CRYBG3: variants seen among roughly 807,000 people sequenced by gnomAD.
CRYBG3 encodes the protein very large A-kinase anchor protein.
Under a neutral mutation model 244.2 loss-of-function variants are expected in CRYBG3, and 127 were observed. That is an observed-to-expected ratio of 0.52 (90% CI 0.45 to 0.60). The LOEUF is 0.60. Ranked by LOEUF, CRYBG3 falls within the 20% of genes least tolerant of loss-of-function variation. CRYBG3 has a pLI of 0.00. For synonymous variants in CRYBG3, 1,132 were observed against 1,195.8 expected, an observed-to-expected ratio of 0.95 and a Z score of 1.10; for missense variants, 3,325 against 3,442.5, an observed-to-expected ratio of 0.97 and a Z score of 0.85.
chr3:97,894,420 T>TC, intron 11 of CRYBG3, among the ~76,000 whole-genome samples: 1 of 152,276 alleles, frequency 6.6e-6, no homozygotes, highest in African/African-American at 2.4e-5. Context: ...ATTATTTTTT[T>TC]CACAACTTCT....
chr3:97,876,646 C>G lies in CRYBG3; in HGVS notation c.5452C>G (p.Pro1818Ala), dbSNP rs1041917595. 2.4e-6 allele frequency: 3 copies of G among 1,235,584 alleles called. No homozygotes were observed. The highest frequency in any genetic ancestry group is 8.3e-5 in the Admixed American group (2 of 24,222). The allele number at this position is 1,235,584 out of a possible 1,614,324, so 76.5% of individuals were successfully genotyped here. The change falls in exon 4 of 22, where the codon CCC becomes GCC. Residue 1818 changes from proline (P) to alanine (A), a missense_variant. By Grantham distance (27) the Pro-to-Ala change is conservative. Transcript: ENST00000389622. Reference sequence around the variant, plus strand: ...GGAAGCACACGAGACAGCACCTGCCCCCTTAGAAATGGAAAAAGCATGCAA... The same window carrying G: ...GGAAGCACACGAGACAGCACCTGCCGCCTTAGAAATGGAAAAAGCATGCAA... ...VKEAHETAPA[P>A]LEMEKACKRD...
At chr3:97,849,326 G>T (rs2038950668) in intron 2 of CRYBG3, among the ~76,000 whole-genome samples, 2 of 152,036 alleles carry the variant, frequency 1.3e-5, no homozygotes, top group Admixed American at 1.3e-4. Context: ...AGTATAGAAG[G>T]CACATATTTG....
At chr3:97,942,718 C>A (rs982462451) in intron 21 of CRYBG3, 8 of 290,516 alleles carry the variant, frequency 2.8e-5, no homozygotes, top group Non-Finnish European at 4.4e-5. Flanking sequence ...GCACCATAAA[C>A]CATGAAATGA....
intron 17 of CRYBG3, among the ~76,000 whole-genome samples, chr3:97,931,991 A>G (rs1008491734): frequency 2.0e-5 from 3 of 152,044 alleles, no homozygotes; most frequent in African/African-American, 7.2e-5. Context: ...TGTAATAATT[A>G]CCAACTTAAA....
Position 97,942,382 on chromosome 3 carries a change from A to G in CRYBG3, c.8763A>G (p.Arg2921=). 1.2e-6 allele frequency: 2 copies of G among 1,611,876 alleles called. No homozygotes were observed. Among genetic ancestry groups the G allele is most frequent in the Non-Finnish European group, 1.7e-6 (2 of 1,178,518 alleles). The change falls in exon 21 of 22, where the codon AGA becomes AGG. Residue 2921 remains arginine, a synonymous_variant. Coordinates refer to ENST00000389622, the MANE Select transcript of CRYBG3 (RefSeq NM_153605.4). The part of the protein sequence containing the change: ...TEHGQFRQKW[R]LNKNGTISSY... ...ATGGGCAATTCAGGCAGAAGTGGAG[A>G]CTGAATAAAAATGGAACTATCAGCT...
chr3:97,832,876 AAAAC>A (rs1285136854), intron 1 of CRYBG3, among the ~76,000 whole-genome samples: 1 of 151,858 alleles, frequency 6.6e-6, no homozygotes, highest in Non-Finnish European at 1.5e-5. Flanking sequence ...TTACAAGAAA[AAAAC>A]AACCCCATCA....
At chr3:97,910,514 G>C (rs1012181590) in intron 15 of CRYBG3, among the ~76,000 whole-genome samples, 1 of 152,206 alleles carries the variant, frequency 6.6e-6, no homozygotes, top group African/African-American at 2.4e-5. Flanking sequence ...CGATTTTCCA[G>C]GTGCTGTCCG....
chr3:97,922,396 C>T (rs1031683642), intron 17 of CRYBG3, among the ~76,000 whole-genome samples: 1 of 152,174 alleles, frequency 6.6e-6, no homozygotes, highest in African/African-American at 2.4e-5. Flanking sequence ...TCAGAGTGAG[C>T]AGGCAACCTA....
In CRYBG3 at chr3:97,886,747, C is replaced by T. The variant is rs761402130; in HGVS notation, c.7269C>T (p.Ser2423=). ...AACTGAATATCTCCAAATCTGTGTC[C>T]TTCACTGTGAAGTCAGGAGTGTACG... ...LEELNISKSV[S]FTVKSGVWLA... Residue 2423 remains serine (S), a synonymous_variant, in exon 8 of 22, where the codon TCC becomes TCT. Coordinates refer to ENST00000389622, the MANE Select transcript of CRYBG3 (RefSeq NM_153605.4). The T allele has an allele frequency of 6.2e-7, 1 of 1,607,736 alleles. No individual in the cohort carries two copies. Among genetic ancestry groups the T allele is most frequent in the Admixed American group, 1.7e-5 (1 of 58,588 alleles).
At chr3:97,840,859 C>T (rs1053175372) in intron 1 of CRYBG3, among the ~76,000 whole-genome samples, 7 of 151,918 alleles carry the variant, frequency 4.6e-5, no homozygotes, top group South Asian at 2.1e-4. Context: ...CTTAATTATA[C>T]CCCAAATCTT....
intron 1 of CRYBG3, among the ~76,000 whole-genome samples, chr3:97,835,206 A>G (rs2038715492): frequency 6.6e-6 from 1 of 152,126 alleles, no homozygotes; most frequent in South Asian, 2.1e-4. Context: ...TCTTGTTTGC[A>G]TGTCTAAATG....
chr3:97,877,784 A>G lies in CRYBG3; in HGVS notation c.6590A>G (p.Tyr2197Cys). ...AGCGTTGGAATTTCTAAGAATTCATATGTGATGCCAAATGAACCTACTACC... is the reference window on the plus strand; with the variant it reads ...AGCGTTGGAATTTCTAAGAATTCATGTGTGATGCCAAATGAACCTACTACC... ...QESVGISKNS[Y>C]VMPNEPTTSN... Residue 2197 changes from tyrosine (Y) to cysteine (C), a missense_variant, in exon 4 of 22, where the codon TAT becomes TGT. Tyr to Cys is a radical substitution (Grantham distance 194, BLOSUM62 -2). Coordinates refer to ENST00000389622, the MANE Select transcript of CRYBG3 (RefSeq NM_153605.4). 1.9e-6 allele frequency: 3 copies of G among 1,614,104 alleles called. No individual in the cohort carries two copies. The highest frequency in any genetic ancestry group is 2.5e-6 in the Non-Finnish European group (3 of 1,180,006).
chr3:97,932,911 C>G (rs750909653), intron 17 of CRYBG3, among the ~76,000 whole-genome samples: 30 of 152,068 alleles, frequency 2.0e-4, no homozygotes, highest in Non-Finnish European at 4.0e-4. Flanking sequence ...AGCTTGATTC[C>G]TGCTCCCTTC....
At chr3:97,856,062 C>T (rs543236969) in intron 2 of CRYBG3, among the ~76,000 whole-genome samples, 41 of 152,200 alleles carry the variant, frequency 2.7e-4, no homozygotes, top group Middle Eastern at 3.4e-3. Flanking sequence ...GTCTATTTCA[C>T]CCCTACAGCC....
At chr3:97,870,090 C>T (rs940590842) in intron 3 of CRYBG3, among the ~76,000 whole-genome samples, 1 of 152,042 alleles carries the variant, frequency 6.6e-6, no homozygotes, top group African/African-American at 2.4e-5. Context: ...AGAAAAAAAT[C>T]AAGTAGAACA....
intron 15 of CRYBG3, among the ~76,000 whole-genome samples, chr3:97,903,786 T>C (rs2039732010): frequency 6.6e-6 from 1 of 152,194 alleles, no homozygotes; most frequent in Admixed American, 6.5e-5. Flanking sequence ...TTCTGTAAAA[T>C]CTTCATAATA....
rs148713407 is a variant in CRYBG3, at chr3:97,864,027, G to GTA, written c.217-187_217-186dup. 3.8e-4 allele frequency among the ~76,000 whole-genome samples: 58 copies of GTA among 152,210 alleles called. No homozygotes were observed. The East Asian group carries it at 0.011, about 28-fold the overall frequency. On this transcript the variant is annotated intron_variant, in intron 2 of 21. Coordinates refer to ENST00000389622, the MANE Select transcript of CRYBG3 (RefSeq NM_153605.4). ...TACTTCTCCCCTCATGACATTTACC[G>GTA]TATAGCTTTTTAAAGGTCATGCTTA... is the stretch of plus-strand genomic sequence containing the variant.
chr3:97,888,555 T>C, intron 9 of CRYBG3, 100 bp downstream of exon 9: 1 of 769,458 alleles, frequency 1.3e-6, no homozygotes, highest in South Asian at 1.5e-5. Context: ...CTCAAGTGAA[T>C]ATGTGTACTA....
chr3:97,910,682 A>G (rs2039861066), intron 15 of CRYBG3, among the ~76,000 whole-genome samples: 1 of 152,190 alleles, frequency 6.6e-6, no homozygotes, highest in South Asian at 2.1e-4. Flanking sequence ...GGTACCTCAG[A>G]TGGAAATGCA....
Sources: allele counts gnomAD v4.1 joint callset (sites outside exome capture counted in the v4.1 genomes callset), GRCh38; gene constraint gnomAD v4.1.1; transcripts MANE v1.5; gene names NCBI Gene and HGNC (gene_info 2026-07-23, HGNC 2026-07-21).